The following NKAIN2 variants were observed in gnomAD, a reference collection of about 807,000 sequenced individuals.
NKAIN2 encodes the protein sodium/potassium-transporting ATPase subunit beta-1-interacting protein 2.
In NKAIN2, 14 loss-of-function variants were observed where a neutral mutation model predicts 32.6. The ratio of observed to expected loss-of-function variants is 0.43; its 90% CI spans 0.28 to 0.67. The LOEUF (loss-of-function observed/expected upper bound fraction) is 0.67. NKAIN2 is among the 30% of genes least tolerant of loss of function. NKAIN2 has a pLI of 0.17. For missense variants in NKAIN2, 198 were observed against 258.3 expected (o/e 0.77, Z 1.60); for synonymous variants, 80 against 87.2 (o/e 0.92, Z 0.46).
chr6:124,264,182 G>A lies in NKAIN2; in HGVS notation c.55-18823G>A, dbSNP rs1794377748. ...GGGAATGAGAAGCTATTTAACATTGGAGAAGTGCATTAAAAATTATTCAAT... is the reference window on the plus strand; with the variant it reads ...GGGAATGAGAAGCTATTTAACATTGAAGAAGTGCATTAAAAATTATTCAAT... On this transcript the variant is annotated intron_variant, in intron 1 of 6. Coordinates refer to ENST00000368417, the MANE Select transcript of NKAIN2 (RefSeq NM_001040214.3). Among the ~76,000 whole-genome samples the A allele has an allele frequency of 2.0e-5, 3 of 152,114 alleles. No homozygotes were observed. The South Asian group carries it at 6.2e-4, about 32-fold the overall frequency.
At chr6:124,631,518 C>G (rs769659526) in intron 3 of NKAIN2, among the ~76,000 whole-genome samples, 4 of 152,104 alleles carry the variant, frequency 2.6e-5, no homozygotes, top group Non-Finnish European at 5.9e-5. Flanking sequence ...TTATACAGGT[C>G]TTTGAGTGCA....
chr6:124,270,921 A>G (rs1321895351), intron 1 of NKAIN2, among the ~76,000 whole-genome samples: 4 of 152,112 alleles, frequency 2.6e-5, no homozygotes, highest in Non-Finnish European at 5.9e-5. Flanking sequence ...CCTAAAATCC[A>G]TTTGGCTTTG....
intron 1 of NKAIN2, among the ~76,000 whole-genome samples, chr6:124,109,145 T>C (rs912906268): frequency 1.3e-5 from 2 of 151,996 alleles, no homozygotes; most frequent in Admixed American, 6.6e-5. Flanking sequence ...TTGATTTGGG[T>C]GGTTGGACAT....
chr6:124,013,983 A>G (rs1249622030), intron 1 of NKAIN2, among the ~76,000 whole-genome samples: 1 of 152,182 alleles, frequency 6.6e-6, no homozygotes, highest in Non-Finnish European at 1.5e-5. Context: ...GTGATTACTG[A>G]ACTTCTGATC....
intron 5 of NKAIN2, among the ~76,000 whole-genome samples, chr6:124,814,659 C>T (rs936788497): frequency 6.6e-6 from 1 of 152,154 alleles, no homozygotes; most frequent in African/African-American, 2.4e-5. Context: ...ATTCGCATCA[C>T]AGGCTCAGGA....
chr6:124,540,576 A>C (rs1020060451), intron 3 of NKAIN2, among the ~76,000 whole-genome samples: 2 of 152,226 alleles, frequency 1.3e-5, no homozygotes, highest in Non-Finnish European at 2.9e-5. Flanking sequence ...ACTACTATGC[A>C]ATAGCATGCA....
chr6:124,823,108 T>C, intron 6 of NKAIN2, 112 bp from the exon 7 acceptor site: 1 of 822,848 alleles, frequency 1.2e-6, no homozygotes, highest in South Asian at 1.4e-5. Context: ...TTGGGCTTCT[T>C]TTTTGTTTGT....
At chr6:124,187,239 A>G (rs1717165800) in intron 1 of NKAIN2, among the ~76,000 whole-genome samples, 1 of 152,192 alleles carries the variant, frequency 6.6e-6, no homozygotes, top group Admixed American at 6.5e-5. Context: ...AGATGACTTC[A>G]TAACCTAACC....
chr6:124,406,853 A>G (rs1237484132), intron 3 of NKAIN2, among the ~76,000 whole-genome samples: 1 of 152,070 alleles, frequency 6.6e-6, no homozygotes, highest in Admixed American at 6.6e-5. Context: ...CTCAAGTGCT[A>G]CTTTCCATCT....
At chr6:124,772,524 C>T (rs1200548933) in intron 4 of NKAIN2, among the ~76,000 whole-genome samples, 1 of 152,162 alleles carries the variant, frequency 6.6e-6, no homozygotes, top group Non-Finnish European at 1.5e-5. Context: ...GGGGAATCTA[C>T]TTCCCATGTG....
intron 1 of NKAIN2, among the ~76,000 whole-genome samples, chr6:124,272,929 A>T: frequency 6.6e-6 from 1 of 152,226 alleles, no homozygotes; most frequent in African/African-American, 2.4e-5. Context: ...GTTTTGGCAC[A>T]TTTCTCGCAT....
chr6:124,050,115 C>G (rs1288955387), intron 1 of NKAIN2, among the ~76,000 whole-genome samples: 3 of 151,942 alleles, frequency 2.0e-5, no homozygotes, highest in Non-Finnish European at 4.4e-5. Context: ...AAACACATCC[C>G]TCTTGCATAT....
intron 1 of NKAIN2, among the ~76,000 whole-genome samples, chr6:123,960,987 A>C (rs536170530): frequency 6.6e-6 from 1 of 152,060 alleles, no homozygotes; most frequent in Non-Finnish European, 1.5e-5. Flanking sequence ...AAATATATGA[A>C]TAGACTCCCT....
intron 3 of NKAIN2, among the ~76,000 whole-genome samples, chr6:124,407,476 G>C (rs1217562953): frequency 3.3e-5 from 5 of 151,948 alleles, no homozygotes; most frequent in African/African-American, 4.8e-5. Flanking sequence ...ATAGTTTGCT[G>C]AGAATGATGG....
At chr6:124,586,523 G>A (rs778790788) in intron 3 of NKAIN2, among the ~76,000 whole-genome samples, 4 of 151,040 alleles carry the variant, frequency 2.6e-5, no homozygotes, top group South Asian at 2.1e-4. Flanking sequence ...AAAATAATCC[G>A]CACACCAAAC....
At chr6:124,765,468 G>A (rs1265289896) in intron 4 of NKAIN2, among the ~76,000 whole-genome samples, 1 of 152,204 alleles carries the variant, frequency 6.6e-6, no homozygotes, top group African/African-American at 2.4e-5. Context: ...TGTCCTGAAA[G>A]ATGCCTGTGT....
intron 5 of NKAIN2, among the ~76,000 whole-genome samples, chr6:124,814,819 C>G (rs1007872436): frequency 6.6e-6 from 1 of 152,094 alleles, no homozygotes; most frequent in Non-Finnish European, 1.5e-5. Flanking sequence ...TTGGTTCACC[C>G]GAAGATCTTT....
intron 1 of NKAIN2, among the ~76,000 whole-genome samples, chr6:123,840,290 A>T (rs980384028): frequency 6.6e-6 from 1 of 152,068 alleles, no homozygotes; most frequent in Non-Finnish European, 1.5e-5. Context: ...TTAAACTATA[A>T]AAGTCATATT....
rs368895718 is a variant in NKAIN2, at chr6:123,974,148, A to G, written c.54+169894A>G. Among the ~76,000 whole-genome samples the G allele has an allele frequency of 5.3e-5, 8 of 152,306 alleles. No individual in the cohort carries two copies. The East Asian group carries it at 1.4e-3, about 26-fold the overall frequency. ...ACATCCTAATAAAGAAAGGAAATTGAATAGGTAGGTTATGAAGCATTACAG... is the reference window on the plus strand; with the variant it reads ...ACATCCTAATAAAGAAAGGAAATTGGATAGGTAGGTTATGAAGCATTACAG... On this transcript the variant is annotated intron_variant, in intron 1 of 6. Transcript: ENST00000368417.
Sources: allele counts gnomAD v4.1 joint callset (sites outside exome capture counted in the v4.1 genomes callset), GRCh38; gene constraint gnomAD v4.1.1; transcripts MANE v1.5; gene names NCBI Gene and HGNC (gene_info 2026-07-23, HGNC 2026-07-21).